CYFIP1: variants seen among roughly 807,000 people sequenced by gnomAD.
CYFIP1 encodes cytoplasmic FMR1 interacting protein 1.
CYFIP1 carries 58 observed loss-of-function variants against 163.5 expected under a neutral mutation model. The observed-to-expected ratio is 0.35, with a 90% CI of 0.29 to 0.44. CYFIP1 has a LOEUF of 0.44. Ranked by LOEUF, CYFIP1 falls within the 20% of genes least tolerant of loss-of-function variation. The probability of loss-of-function intolerance (pLI) is 1.00; values close to 1 mark genes in which losing one functional copy is unlikely to be tolerated. For missense variants in CYFIP1, 1,338 were observed against 1,653.8 expected, an observed-to-expected ratio of 0.81 and a Z score of 3.31; for synonymous variants, 663 against 660.7, an observed-to-expected ratio of 1.00 and a Z score of -0.05.
intron 16 of CYFIP1, among the ~76,000 whole-genome samples, chr15:22,916,131 C>T (rs910396455): frequency 3.5e-4 from 53 of 152,332 alleles, no homozygotes; most frequent in African/African-American, 1.1e-3. Flanking sequence ...CTTCCCCCCA[C>T]GTCATGGTCT....
At chr15:22,916,100 C>T (rs1485872204) in intron 16 of CYFIP1, among the ~76,000 whole-genome samples, 1 of 152,182 alleles carries the variant, frequency 6.6e-6, no homozygotes, top group African/African-American at 2.4e-5. Context: ...ATGGGCTTGC[C>T]TGGCACAGGG....
chr15:22,904,190 G>A (rs188025689), intron 21 of CYFIP1: 3 of 505,348 alleles, frequency 5.9e-6, no homozygotes, highest in Non-Finnish European at 7.2e-6. Flanking sequence ...GCCTGCTACT[G>A]CCACCCTTCC....
chr15:22,881,887 G>A lies in CYFIP1; in HGVS notation c.2870C>T (p.Pro957Leu). ...QYVKTLMEVM[P>L]KICRLPRHEY... Reference sequence around the variant, plus strand: ...GTGCCGGGGCAGGCGGCAGATCTTGGGCATCACCTCCATCAGCGTCTTCAC... The same window carrying A: ...GTGCCGGGGCAGGCGGCAGATCTTGAGCATCACCTCCATCAGCGTCTTCAC... Residue 957 changes from proline to leucine, a missense_variant, in exon 25 of 31, where the codon CCC (proline) becomes CTC (leucine). Physicochemically the swap from Pro to Leu is moderately conservative, Grantham distance 98. Coordinates refer to ENST00000617928, the MANE Select transcript of CYFIP1 (RefSeq NM_014608.6). The A allele has an allele frequency of 6.2e-7, 1 of 1,612,492 alleles. No homozygotes were observed. The highest frequency in any genetic ancestry group is 8.5e-7 in the Non-Finnish European group (1 of 1,180,006).
intron 23 of CYFIP1, among the ~76,000 whole-genome samples, chr15:22,890,952 C>A (rs1049822441): frequency 6.6e-6 from 1 of 152,194 alleles, no homozygotes; most frequent in Non-Finnish European, 1.5e-5. Flanking sequence ...GTCAGCGAGG[C>A]TCCCAGCCCT....
At chr15:22,921,410 C>CAATT (rs143043859) in intron 13 of CYFIP1, among the ~76,000 whole-genome samples, 6,599 of 149,988 alleles carry the variant, frequency 0.044, 485 homozygotes, top group African/African-American at 0.15. Context: ...ATAAATGTAA[C>CAATT]AATGAAACAG....
chr15:22,912,515 C>G, intron 17 of CYFIP1: 1 of 429,360 alleles, frequency 2.3e-6, no homozygotes. Context: ...AGGCCACACA[C>G]GGACAAGGGC....
At chr15:22,949,089 A>C (rs1161165603) in intron 1 of CYFIP1, among the ~76,000 whole-genome samples, 2 of 152,142 alleles carry the variant, frequency 1.3e-5, no homozygotes, top group African/African-American at 4.8e-5. Context: ...CAAACAAGAC[A>C]AACAAGAAAT....
chr15:22,878,382 C>T (rs1305244722), intron 26 of CYFIP1, among the ~76,000 whole-genome samples: 1 of 152,038 alleles, frequency 6.6e-6, no homozygotes, highest in East Asian at 1.9e-4. Flanking sequence ...AGGAGACAGG[C>T]CGGTGTGCCC....
At chr15:22,903,462 G>GAA (rs1051196600) in intron 22 of CYFIP1, among the ~76,000 whole-genome samples, 3 of 152,212 alleles carry the variant, frequency 2.0e-5, no homozygotes, top group Admixed American at 2.0e-4. Context: ...CAGGCAAACA[G>GAA]AAAGCCAGGA....
chr15:22,925,425 C>T (rs186400338), intron 13 of CYFIP1, among the ~76,000 whole-genome samples: 179 of 152,178 alleles, frequency 1.2e-3, no homozygotes, highest in African/African-American at 4.0e-3. Context: ...AAGGTGGCAG[C>T]GTGAGGGTTG....
At chr15:22,931,290 T>C (rs1010278818) in intron 11 of CYFIP1, among the ~76,000 whole-genome samples, 3 of 152,206 alleles carry the variant, frequency 2.0e-5, no homozygotes, top group African/African-American at 7.2e-5. Flanking sequence ...CCAGCAGTGC[T>C]GGCTCGGAGT....
intron 1 of CYFIP1, among the ~76,000 whole-genome samples, chr15:22,962,547 C>T (rs921708146): frequency 6.6e-5 from 10 of 151,878 alleles, no homozygotes; most frequent in African/African-American, 2.2e-4. Flanking sequence ...TACAGGTGTG[C>T]GCCACCATGC....
intron 23 of CYFIP1, among the ~76,000 whole-genome samples, chr15:22,886,143 G>A (rs12899345): frequency 0.59 from 88,945 of 151,936 alleles, 26,740 homozygotes; most frequent in East Asian, 0.76. Flanking sequence ...ATCAGATCTC[G>A]TGAGAACTCA....
At chr15:22,964,382 CACACACACACACACACACACACACA>C in intron 1 of CYFIP1, among the ~76,000 whole-genome samples, 1 of 144,966 alleles carries the variant, frequency 6.9e-6, no homozygotes, top group African/African-American at 2.7e-5. Flanking sequence ...CACACACACA[CACACACACACACACACACACACACA>C]CCCGGCAGCC....
chr15:22,929,341 G>A (rs1216240886), intron 11 of CYFIP1, among the ~76,000 whole-genome samples: 2 of 151,862 alleles, frequency 1.3e-5, no homozygotes, highest in Non-Finnish European at 2.9e-5. Context: ...GCTCTTTTAA[G>A]ACTAGATTAT....
intron 22 of CYFIP1, among the ~76,000 whole-genome samples, chr15:22,893,963 A>G (rs536108596): frequency 8.5e-5 from 13 of 152,280 alleles, no homozygotes; most frequent in African/African-American, 2.9e-4. Context: ...CACCCGTTCC[A>G]GGAAGTACAT....
intron 26 of CYFIP1, among the ~76,000 whole-genome samples, chr15:22,878,648 G>T (rs2059654616): frequency 6.8e-6 from 1 of 147,364 alleles, no homozygotes; most frequent in Non-Finnish European, 1.5e-5. Flanking sequence ...AAAAGATACT[G>T]AAAGTTCCAT....
chr15:22,872,293 CAAAAA>C (rs11327088), intron 30 of CYFIP1, among the ~76,000 whole-genome samples: 1 of 111,412 alleles, frequency 9.0e-6, no homozygotes, highest in South Asian at 2.9e-4. Flanking sequence ...GAAACTGTCT[CAAAAA>C]AAAAAAAAAA....
At chr15:22,943,430 T>A in intron 5 of CYFIP1, 76 bp from the exon 6 acceptor site, 2 of 1,446,126 alleles carry the variant, frequency 1.4e-6, no homozygotes, top group Non-Finnish European at 1.9e-6. Context: ...TTCAAGCACC[T>A]GCAGTCACTG....
Sources: allele counts gnomAD v4.1 joint callset (sites outside exome capture counted in the v4.1 genomes callset), GRCh38; gene constraint gnomAD v4.1.1; transcripts MANE v1.5; gene names NCBI Gene and HGNC (gene_info 2026-07-23, HGNC 2026-07-21).